Variants in MAP3K7CL observed in about 807,000 individuals in gnomAD.
MAP3K7CL encodes MAP3K7 C-terminal-like protein.
In MAP3K7CL, 16 loss-of-function variants were observed where a neutral mutation model predicts 18.6. The ratio of observed to expected loss-of-function variants is 0.86; its 90% CI spans 0.58 to 1.31. MAP3K7CL has a LOEUF of 1.31. MAP3K7CL is among the 50% of genes most tolerant of loss of function. The pLI is 0.00. For synonymous variants in MAP3K7CL, 65 were observed against 66.8 expected (o/e 0.97, Z 0.13); for missense variants, 163 against 174.4 (o/e 0.93, Z 0.37).
In MAP3K7CL at chr21:29,136,464, A is replaced by G. The variant is rs139987239; in HGVS notation, c.70+3050A>G. ...TATTGTTGATGAATAAGCAGAGTCC[A>G]TGAGAAAAGGAAACATCTTTGCTTG... On this transcript the variant is annotated intron_variant, in intron 2 of 4. Coordinates refer to ENST00000399928, the MANE Select transcript of MAP3K7CL (RefSeq NM_001286620.2). 5.6e-4 allele frequency among the ~76,000 whole-genome samples: 85 copies of G among 152,306 alleles called. 1 individual carries two copies. The highest frequency in any genetic ancestry group is 1.9e-3 in the African/African-American group (78 of 41,562).
At chr21:29,103,963 A>ATT (rs11441509) in intron 4 of MAP3K7CL, among the ~76,000 whole-genome samples, 1 of 150,750 alleles carries the variant, frequency 6.6e-6, no homozygotes, top group Middle Eastern at 3.2e-3. Context: ...TTTTGGAGTA[A>ATT]TTTTTTTTTT....
At chr21:29,139,542 TCTG>T (rs1162622651) in intron 2 of MAP3K7CL, among the ~76,000 whole-genome samples, 2 of 152,124 alleles carry the variant, frequency 1.3e-5, no homozygotes, top group African/African-American at 4.8e-5. Flanking sequence ...CAAAACCTCA[TCTG>T]CACTAAGCTA....
chr21:29,170,631 C>T (rs202130548), intron 4 of MAP3K7CL, among the ~76,000 whole-genome samples: 1 of 136,906 alleles, frequency 7.3e-6, no homozygotes, highest in African/African-American at 2.5e-5. Context: ...GTCTCTCTCT[C>T]TTTCTCTTTT....
At chr21:29,124,336 A>G (rs1156387610) in intron 4 of MAP3K7CL, among the ~76,000 whole-genome samples, 1 of 143,472 alleles carries the variant, frequency 7.0e-6, no homozygotes, top group East Asian at 2.1e-4. Context: ...CCCGGGCAAC[A>G]GAGTGAGACT....
At chr21:29,151,720 A>G (rs2087281076) in intron 3 of MAP3K7CL, among the ~76,000 whole-genome samples, 1 of 152,136 alleles carries the variant, frequency 6.6e-6, no homozygotes, top group Non-Finnish European at 1.5e-5. Flanking sequence ...TTTGTGTTGG[A>G]ACAACATTTT....
At chr21:29,120,050 G>T (rs555467554) in intron 4 of MAP3K7CL, among the ~76,000 whole-genome samples, 1 of 152,218 alleles carries the variant, frequency 6.6e-6, no homozygotes, top group South Asian at 2.1e-4. Context: ...TTGAACATTA[G>T]TTCCATTTCC....
intron 4 of MAP3K7CL, among the ~76,000 whole-genome samples, chr21:29,094,007 A>T (rs2086076741): frequency 6.6e-6 from 1 of 152,226 alleles, no homozygotes; most frequent in African/African-American, 2.4e-5. Context: ...TCACATTGTC[A>T]TGTATCTGTG....
rs1169791060 is a variant in MAP3K7CL, at chr21:29,162,677, C to CT, written c.248+2622dup. 6.2e-5 allele frequency among the ~76,000 whole-genome samples: 8 copies of CT among 129,172 alleles called. No individual in the cohort carries two copies. In the East Asian group the frequency reaches 2.3e-3, roughly 37 times the overall value. The allele number at this position is 129,172 out of a possible 152,430, so 84.7% of individuals were successfully genotyped here. A position where few individuals can be genotyped will look rare whatever the true frequency, so the allele number is the denominator to read the frequency against. On this transcript the variant is annotated intron_variant, in intron 4 of 4. Coordinates refer to ENST00000399928, the MANE Select transcript of MAP3K7CL (RefSeq NM_001286620.2). ...CAGCCTGGGCAACAAGAGCAAAACT[C>CT]TGTCTCAAAAAAAAAAAAAAAATGA...
intron 4 of MAP3K7CL, among the ~76,000 whole-genome samples, chr21:29,112,587 G>T (rs2086437414): frequency 6.6e-6 from 1 of 151,360 alleles, no homozygotes; most frequent in African/African-American, 2.4e-5. Flanking sequence ...TCTTTGGTAG[G>T]TTTGATCAAG....
intron 4 of MAP3K7CL, among the ~76,000 whole-genome samples, chr21:29,107,088 C>T (rs1039997564): frequency 2.0e-5 from 3 of 152,044 alleles, no homozygotes; most frequent in South Asian, 2.1e-4. Flanking sequence ...GAGGCCGAGG[C>T]GGGTGGATCA....
chr21:29,147,932 G>A (rs2087176027), intron 2 of MAP3K7CL, among the ~76,000 whole-genome samples: 1 of 148,584 alleles, frequency 6.7e-6, no homozygotes, highest in South Asian at 2.1e-4. Context: ...TACTGTGTAT[G>A]TATCTGTACT....
intron 4 of MAP3K7CL, among the ~76,000 whole-genome samples, chr21:29,163,687 T>C (rs2146738652): frequency 6.8e-6 from 1 of 147,530 alleles, no homozygotes; most frequent in East Asian, 2.0e-4. Context: ...ACAGGCCCCT[T>C]TCTTCCTTTT....
At chr21:29,093,023 C>A (rs558616054) in intron 4 of MAP3K7CL, among the ~76,000 whole-genome samples, 1 of 152,178 alleles carries the variant, frequency 6.6e-6, no homozygotes, top group Non-Finnish European at 1.5e-5. Flanking sequence ...CCTGCTTCAG[C>A]CTCCTGAGTA....
intron 3 of MAP3K7CL, among the ~76,000 whole-genome samples, chr21:29,152,238 G>A (rs2087293732): frequency 6.6e-6 from 1 of 152,174 alleles, no homozygotes. Flanking sequence ...ATGATGGTTG[G>A]GAGGAGAAAT....
intron 4 of MAP3K7CL, among the ~76,000 whole-genome samples, chr21:29,166,047 T>C (rs1285797314): frequency 6.6e-6 from 1 of 152,222 alleles, no homozygotes; most frequent in African/African-American, 2.4e-5. Flanking sequence ...TATTTTGAAG[T>C]GTACATCATT....
chr21:29,132,083 G>A (rs775276690), intron 1 of MAP3K7CL, among the ~76,000 whole-genome samples: 3 of 152,284 alleles, frequency 2.0e-5, no homozygotes, highest in East Asian at 1.9e-4. Flanking sequence ...GGAAAGTAGA[G>A]GGTTTAGGGG....
chr21:29,087,597 T>C (rs939160452), intron 1 of MAP3K7CL, among the ~76,000 whole-genome samples: 16 of 145,328 alleles, frequency 1.1e-4, no homozygotes, highest in African/African-American at 2.8e-4. Context: ...TTCTTTTTTT[T>C]TTTTTTTTTT....
intron 4 of MAP3K7CL, among the ~76,000 whole-genome samples, chr21:29,170,316 A>G (rs1029285697): frequency 6.6e-6 from 1 of 152,222 alleles, no homozygotes; most frequent in African/African-American, 2.4e-5. Flanking sequence ...AGAAATTATT[A>G]TTGACTTTCT....
intron 4 of MAP3K7CL, among the ~76,000 whole-genome samples, chr21:29,165,611 T>A (rs2735967): frequency 2.6e-5 from 4 of 152,272 alleles, no homozygotes; most frequent in South Asian, 2.1e-4. Flanking sequence ...TTGCTCAGTC[T>A]CCCAGGCTGC....
Sources: gnomAD v4.1 joint callset for allele counts (sites outside exome capture counted in the v4.1 genomes callset) on GRCh38, gnomAD v4.1.1 for gene constraint, MANE v1.5 for transcripts, NCBI Gene and HGNC (gene_info 2026-07-23, HGNC 2026-07-21) for gene names.